The following WDPCP variants were observed in gnomAD, a reference collection of about 807,000 sequenced individuals.
The protein encoded by WDPCP is WD repeat-containing and planar cell polarity effector protein fritz homolog.
In WDPCP, 71 loss-of-function variants were observed where a neutral mutation model predicts 93.1. The ratio of observed to expected loss-of-function variants is 0.76; its 90% CI spans 0.63 to 0.93. WDPCP has a LOEUF of 0.93. Among genes scored for constraint, WDPCP ranks in the 40% least tolerant of loss-of-function variants. The pLI, the probability that WDPCP is intolerant of heterozygous loss-of-function variation, is 0.00. For missense variants in WDPCP, 844 were observed against 887.4 expected (o/e 0.95, Z 0.62); for synonymous variants, 315 against 315.0 (o/e 1.00, Z 0.00).
chr2:63,538,667 ACCT>A (rs1316655722), intron 1 of WDPCP, among the ~76,000 whole-genome samples: 1 of 152,108 alleles, frequency 6.6e-6, no homozygotes, highest in African/African-American at 2.4e-5. Flanking sequence ...TAGTGTCAAC[ACCT>A]CCTTTAAAAA....
rs1221145462 is a variant in WDPCP, at chr2:63,119,814, A to C, written c.*2192T>G. Among the ~76,000 whole-genome samples the C allele has an allele frequency of 6.6e-6, 1 of 152,182 alleles. No individual in the cohort carries two copies. The highest frequency in any genetic ancestry group is 1.5e-5 in the Non-Finnish European group (1 of 68,034). ...TCCTTTCAGGTTCTAGCAGAGGAGGAATATCAATTTAATTAATATTCTCAG... is the reference window on the plus strand; with the variant it reads ...TCCTTTCAGGTTCTAGCAGAGGAGGCATATCAATTTAATTAATATTCTCAG... On this transcript the variant is annotated 3_prime_UTR_variant, in exon 18 of 18. Coordinates refer to ENST00000272321, the MANE Select transcript of WDPCP (RefSeq NM_015910.7).
At chr2:63,140,494 G>A (rs1054358162) in intron 17 of WDPCP, among the ~76,000 whole-genome samples, 2 of 151,294 alleles carry the variant, frequency 1.3e-5, no homozygotes, top group African/African-American at 4.9e-5. Flanking sequence ...TCTTTCAGCA[G>A]TGTTTTGTAG....
At chr2:63,649,567 A>G (rs1382158436) in intron 3 of WDPCP, among the ~76,000 whole-genome samples, 1 of 152,246 alleles carries the variant, frequency 6.6e-6, no homozygotes, top group African/African-American at 2.4e-5. Context: ...ATATACAGCT[A>G]TGGTAAAATT....
chr2:63,693,535 G>A (rs966882531), intron 2 of WDPCP, among the ~76,000 whole-genome samples: 1 of 152,042 alleles, frequency 6.6e-6, no homozygotes, highest in Admixed American at 6.6e-5. Flanking sequence ...CTGAACAGTG[G>A]GGAGGATTTG....
At chr2:63,437,829 C>A (rs1553392222) in intron 7 of WDPCP, 1 of 1,586,904 alleles carries the variant, frequency 6.3e-7, no homozygotes, top group Non-Finnish European at 8.6e-7. Flanking sequence ...AGAAACAGGG[C>A]TATAAAGGTA....
At chr2:63,152,500 G>A (rs1671954507) in intron 17 of WDPCP, among the ~76,000 whole-genome samples, 1 of 152,056 alleles carries the variant, frequency 6.6e-6, no homozygotes, top group African/African-American at 2.4e-5. Flanking sequence ...TCAAACTCCT[G>A]GCTTCAAGTG....
chr2:63,804,079 T>G (rs1441172773), intron 2 of WDPCP, among the ~76,000 whole-genome samples: 1 of 152,180 alleles, frequency 6.6e-6, no homozygotes, highest in Non-Finnish European at 1.5e-5. Flanking sequence ...GATACTTCAC[T>G]TGGTAATGGG....
At chr2:63,741,013 A>G (rs1417567241) in intron 2 of WDPCP, among the ~76,000 whole-genome samples, 1 of 152,144 alleles carries the variant, frequency 6.6e-6, no homozygotes, top group African/African-American at 2.4e-5. Context: ...TTTGGTATTA[A>G]TCAAAATTGT....
intron 3 of WDPCP, among the ~76,000 whole-genome samples, chr2:63,615,217 T>C (rs1384950650): frequency 6.6e-6 from 1 of 152,182 alleles, no homozygotes. Context: ...TCCTGGGTAA[T>C]TGGCAAGTTT....
chr2:63,583,019 A>G (rs981616528), intron 1 of WDPCP, among the ~76,000 whole-genome samples: 1 of 152,226 alleles, frequency 6.6e-6, no homozygotes, highest in Non-Finnish European at 1.5e-5. Flanking sequence ...ATGAATATTT[A>G]AGATATTTTC....
chr2:63,218,230 C>T (rs1677513940), intron 14 of WDPCP, among the ~76,000 whole-genome samples: 1 of 152,044 alleles, frequency 6.6e-6, no homozygotes, highest in Non-Finnish European at 1.5e-5. Context: ...GATTATGGGG[C>T]ATTTTTATTG....
At chr2:63,640,233 C>G (rs1412403287) in intron 3 of WDPCP, among the ~76,000 whole-genome samples, 1 of 152,326 alleles carries the variant, frequency 6.6e-6, no homozygotes, top group South Asian at 2.1e-4. Flanking sequence ...TGGTGTCGAT[C>G]TCCTGACCTT....
At chr2:63,700,702 C>G (rs1051809412) in intron 2 of WDPCP, among the ~76,000 whole-genome samples, 8 of 152,050 alleles carry the variant, frequency 5.3e-5, no homozygotes, top group East Asian at 1.9e-4. Context: ...AATAGAGAAC[C>G]CTGACATAAA....
intron 1 of WDPCP, among the ~76,000 whole-genome samples, chr2:63,543,698 AAAG>A (rs1434753066): frequency 1.3e-5 from 2 of 152,086 alleles, no homozygotes; most frequent in Non-Finnish European, 2.9e-5. Context: ...TCAGTGAATA[AAAG>A]AAGACACATA....
At chr2:63,640,431 C>G (rs1314217440) in intron 3 of WDPCP, among the ~76,000 whole-genome samples, 1 of 152,166 alleles carries the variant, frequency 6.6e-6, no homozygotes, top group Non-Finnish European at 1.5e-5. Flanking sequence ...CAGGTTGAGG[C>G]AGCAGTGAGC....
At chr2:63,397,554 T>C (rs1206664479) in intron 10 of WDPCP, among the ~76,000 whole-genome samples, 1 of 152,128 alleles carries the variant, frequency 6.6e-6, no homozygotes, top group African/African-American at 2.4e-5. Context: ...GAAGCCTGGA[T>C]GGCCCCAACA....
intron 1 of WDPCP, among the ~76,000 whole-genome samples, chr2:63,555,592 C>T (rs1315089003): frequency 6.6e-6 from 1 of 152,142 alleles, no homozygotes; most frequent in Non-Finnish European, 1.5e-5. Flanking sequence ...GGAGCATTCC[C>T]ACTGGATCAG....
At chr2:63,449,157 A>G (rs1048627617) in intron 6 of WDPCP, among the ~76,000 whole-genome samples, 15 of 152,220 alleles carry the variant, frequency 9.9e-5, no homozygotes, top group African/African-American at 3.4e-4. Context: ...CAACTTGAAT[A>G]AAAGTGAAAA....
intron 1 of WDPCP, among the ~76,000 whole-genome samples, chr2:63,523,912 AAAAAAAT>A: frequency 6.6e-6 from 1 of 152,178 alleles, no homozygotes; most frequent in East Asian, 1.9e-4. Flanking sequence ...ACTCTGTCTC[AAAAAAAT>A]AAAAATAAAA....
Sources: allele counts gnomAD v4.1 joint callset (sites outside exome capture counted in the v4.1 genomes callset), GRCh38; gene constraint gnomAD v4.1.1; transcripts MANE v1.5; gene names NCBI Gene and HGNC (gene_info 2026-07-23, HGNC 2026-07-21).